MBNL2: variants seen among roughly 807,000 people sequenced by gnomAD.
MBNL2 encodes muscleblind like splicing regulator 2, also known as muscleblind-like protein 2.
Under a neutral mutation model 41.9 loss-of-function variants are expected in MBNL2, and 17 were observed. The observed-to-expected ratio is 0.41, with a 90% CI of 0.28 to 0.61. The LOEUF is 0.61. Among genes scored for constraint, MBNL2 ranks in the 20% least tolerant of loss-of-function variants. The pLI is 0.35. For missense variants in MBNL2, 336 were observed against 505.6 expected, an observed-to-expected ratio of 0.66 and a Z score of 3.22; for synonymous variants, 195 against 182.9, an observed-to-expected ratio of 1.07 and a Z score of -0.53.
chr13:97,163,580 TAGG>T, the MBNL2 span, among the ~76,000 whole-genome samples: 3 of 152,156 alleles, frequency 2.0e-5, no homozygotes, highest in Non-Finnish European at 4.4e-5. Flanking sequence ...GAGCAGATGG[TAGG>T]AGAAGAATTG....
At chr13:97,213,538 G>T in the MBNL2 span, among the ~76,000 whole-genome samples, 6 of 152,198 alleles carry the variant, frequency 3.9e-5, no homozygotes, top group South Asian at 1.0e-3. Flanking sequence ...TGATTTCAAC[G>T]GTTTCCAAAC....
At position 97,313,728 on chromosome 13, in the gene MBNL2, T is replaced by C. The variant is rs2058801871; in HGVS notation, c.175-20548T>C. On this transcript the variant is annotated intron_variant, in intron 2 of 8. Coordinates refer to ENST00000679496, the MANE Select transcript of MBNL2 (RefSeq NM_001382683.1). Reference sequence around the variant, plus strand: ...GGATTTTAAGGCTGAGCTGTAGGCTTCAGGGATAGCCACACACATTCTTTC... The same window carrying C: ...GGATTTTAAGGCTGAGCTGTAGGCTCCAGGGATAGCCACACACATTCTTTC... Among the ~76,000 whole-genome samples, 4 of 152,182 alleles carry C rather than the reference T, an allele frequency of 2.6e-5. No homozygotes were observed. In the South Asian group the frequency reaches 8.3e-4, roughly 32 times the overall value.
At chr13:97,349,937 G>A (rs1299466349) in intron 5 of MBNL2, among the ~76,000 whole-genome samples, 1 of 152,154 alleles carries the variant, frequency 6.6e-6, no homozygotes, top group Admixed American at 6.5e-5. Context: ...ATTGGGGCAG[G>A]GGAAGAAGTT....
Position 97,266,136 on chromosome 13 carries a change from G to C in MBNL2, c.-604-9496G>C, listed in dbSNP as rs547934525. 1.1e-4 allele frequency among the ~76,000 whole-genome samples: 16 copies of C among 152,188 alleles called. No individual in the cohort carries two copies. The East Asian group carries it at 3.1e-3, about 29-fold the overall frequency. On this transcript the variant is annotated intron_variant, in intron 1 of 8. Transcript: ENST00000679496. ...AGGTGCCTGTAATCCCAACTACTTG[G>C]GGGGCCGAGGCAGGAGAATCACTTG...
chr13:97,346,931 A>G lies in MBNL2; in HGVS notation c.668A>G (p.Lys223Arg). 6.2e-7 allele frequency: 1 copy of G among 1,614,154 alleles called. No individual in the cohort carries two copies. The highest frequency in any genetic ancestry group is 8.5e-7 in the Non-Finnish European group (1 of 1,179,976). Residue 223 changes from lysine (K) to arginine (R), a missense_variant, in exon 5 of 9, where the codon AAG becomes AGG. Lys to Arg is a conservative substitution (Grantham distance 26). Coordinates refer to ENST00000679496, the MANE Select transcript of MBNL2 (RefSeq NM_001382683.1). This position sits in a 1 kb window ranked among gnomAD's most constrained non-coding sequence, Gnocchi z 4.2. ...NTVTVCMDYIKGRCMREKCKY... is the reference protein window; with the variant it reads ...NTVTVCMDYIRGRCMREKCKY... ...GTAACCGTTTGTATGGATTACATAAAGGGGCGTTGCATGAGGGAGAAATGC... is the reference window on the plus strand; with the variant it reads ...GTAACCGTTTGTATGGATTACATAAGGGGGCGTTGCATGAGGGAGAAATGC...
intron 2 of MBNL2, among the ~76,000 whole-genome samples, chr13:97,323,910 C>A (rs993414646): frequency 6.6e-6 from 1 of 152,084 alleles, no homozygotes; most frequent in Non-Finnish European, 1.5e-5. Flanking sequence ...AGCATTTATC[C>A]TTTGAGTTAC....
At chr13:97,358,653 A>C (rs533681798) in intron 7 of MBNL2, among the ~76,000 whole-genome samples, 59 of 152,310 alleles carry the variant, frequency 3.9e-4, no homozygotes, top group African/African-American at 1.4e-3. Context: ...CTTTTAGTCA[A>C]TGTTAGAAGC....
chr13:97,242,289 C>T (rs1305314104), intron 1 of MBNL2, among the ~76,000 whole-genome samples: 1 of 152,146 alleles, frequency 6.6e-6, no homozygotes, highest in Non-Finnish European at 1.5e-5. Context: ...AAATATGTTG[C>T]TCTCTTCATA....
chr13:97,235,514 C>T (rs931080630), intron 1 of MBNL2, among the ~76,000 whole-genome samples: 6 of 152,198 alleles, frequency 3.9e-5, no homozygotes, highest in Non-Finnish European at 7.3e-5. Flanking sequence ...TACCGGAATT[C>T]TTGTGAGTCC....
the MBNL2 span, among the ~76,000 whole-genome samples, chr13:97,200,105 C>G: frequency 6.6e-6 from 1 of 152,352 alleles, no homozygotes; most frequent in East Asian, 1.9e-4. Context: ...AAATGGGAGC[C>G]TGCATCTTTC....
chr13:97,349,527 A>G (rs1473811110), intron 5 of MBNL2, among the ~76,000 whole-genome samples: 1 of 151,978 alleles, frequency 6.6e-6, no homozygotes, highest in African/African-American at 2.4e-5. Context: ...AAATTTGTTT[A>G]TTTATTTGTT....
the MBNL2 span, among the ~76,000 whole-genome samples, chr13:97,147,864 G>C: frequency 7.9e-5 from 12 of 152,132 alleles, no homozygotes; most frequent in African/African-American, 2.7e-4. Flanking sequence ...CAGAGTTAGG[G>C]GGCAGTAATA....
At position 97,222,493 on chromosome 13, in the gene MBNL2, G is replaced by A. The variant is rs977934636; in HGVS notation, c.-643G>A. On this transcript the variant is annotated 5_prime_UTR_variant, in exon 1 of 9. Coordinates refer to ENST00000679496, the MANE Select transcript of MBNL2 (RefSeq NM_001382683.1). ...ACTTGGTTCTGCCAGATGTTCCTGG[G>A]GTTACTGTAAATGGGAAGGACAGGC... The A allele has an allele frequency of 1.5e-5, 6 of 398,514 alleles. No individual in the cohort carries two copies. Among genetic ancestry groups the A allele is most frequent in the Non-Finnish European group, 2.2e-5 (5 of 226,080 alleles). The allele number at this position is 398,514 out of a possible 1,614,324, so 24.7% of individuals were successfully genotyped here. A position where few individuals can be genotyped will look rare whatever the true frequency, so the allele number is the denominator to read the frequency against.
At chr13:97,261,156 C>G (rs577553306) in intron 1 of MBNL2, among the ~76,000 whole-genome samples, 2 of 152,046 alleles carry the variant, frequency 1.3e-5, no homozygotes, top group African/African-American at 4.8e-5. Flanking sequence ...AGGAAGCCCC[C>G]GGCTCTTCCC....
chr13:97,374,443 G>T (rs1416402763), intron 8 of MBNL2, among the ~76,000 whole-genome samples: 1 of 151,644 alleles, frequency 6.6e-6, no homozygotes, highest in African/African-American at 2.4e-5. Flanking sequence ...CACCGCGCCC[G>T]GCCGCAGTGG....
the MBNL2 span, among the ~76,000 whole-genome samples, chr13:97,144,144 G>A: frequency 6.6e-6 from 1 of 150,946 alleles, no homozygotes; most frequent in Non-Finnish European, 1.5e-5. Context: ...ACGCCCGGCT[G>A]TGTTTAAATG....
chr13:97,198,313 A>G, the MBNL2 span, among the ~76,000 whole-genome samples: 1 of 151,800 alleles, frequency 6.6e-6, no homozygotes, highest in Non-Finnish European at 1.5e-5. Flanking sequence ...GACTCAAAGT[A>G]AAATATAGGC....
the MBNL2 span, among the ~76,000 whole-genome samples, chr13:97,216,051 A>G: frequency 6.6e-6 from 1 of 152,208 alleles, no homozygotes; most frequent in African/African-American, 2.4e-5. Context: ...TAACCCAGAA[A>G]ATGTTAGTCC....
chr13:97,337,625 C>G (rs2061000178), intron 3 of MBNL2, among the ~76,000 whole-genome samples: 1 of 152,210 alleles, frequency 6.6e-6, no homozygotes, highest in Non-Finnish European at 1.5e-5. Flanking sequence ...ACATATCCAC[C>G]TTTCTACTGG....
Sources: gnomAD v4.1 joint callset for allele counts (sites outside exome capture counted in the v4.1 genomes callset) on GRCh38, gnomAD v4.1.1 for gene constraint, Gnocchi (gnomAD v3.1) non-coding constraint, MANE v1.5 for transcripts, NCBI Gene and HGNC (gene_info 2026-07-23, HGNC 2026-07-21) for gene names.